LPP: variants seen among roughly 807,000 people sequenced by gnomAD.
LPP encodes the protein lipoma-preferred partner.
Under a neutral mutation model 60.4 loss-of-function variants are expected in LPP, and 38 were observed. That is an observed-to-expected ratio of 0.63 (90% CI 0.49 to 0.83). LPP has a LOEUF of 0.83. LPP is among the 40% of genes least tolerant of loss of function. The probability of loss-of-function intolerance (pLI) is 0.00; values close to 1 mark genes in which losing one functional copy is unlikely to be tolerated. For missense variants in LPP, 902 were observed against 783.6 expected (o/e 1.15, Z -1.80); for synonymous variants, 328 against 290.8 (o/e 1.13, Z -1.30).
At chr3:188,856,989 G>A (rs1763990657) in intron 9 of LPP, among the ~76,000 whole-genome samples, 1 of 152,118 alleles carries the variant, frequency 6.6e-6, no homozygotes, top group Non-Finnish European at 1.5e-5. Context: ...TATTCTTATT[G>A]TTAAGTGGGA....
In LPP at chr3:188,644,145, G is replaced by A. The variant is rs146180230; in HGVS notation, c.1113+34301G>A. On this transcript the variant is annotated intron_variant, in intron 7 of 11. Coordinates refer to ENST00000617246, the MANE Select transcript of LPP (RefSeq NM_001375462.1). ...GTGTTCCAAAGAAATTCCTGGAGGA[G>A]AAGGGATCTGAGCTAGACTTTCATA... Among the ~76,000 whole-genome samples, 347 of 152,308 alleles carry A rather than the reference G, an allele frequency of 2.3e-3. 3 individuals are homozygous for A. The highest frequency in any genetic ancestry group is 8.1e-3 in the African/African-American group (338 of 41,568).
intron 2 of LPP, among the ~76,000 whole-genome samples, chr3:188,332,656 T>C (rs1760433380): frequency 1.3e-5 from 2 of 152,208 alleles, no homozygotes; most frequent in African/African-American, 2.4e-5. Context: ...CTAAAAGTGA[T>C]AAAACAATAT....
rs539002905 is a variant in LPP at position 188,483,663 on chromosome 3, C to T, written c.194-929C>T. ...TTAGATCACAGAGATCAGGTTCACT[C>T]CCTCAATAACTCTGACAGCAGTGTG... is the stretch of plus-strand genomic sequence containing the variant. On this transcript the variant is annotated intron_variant, in intron 4 of 11. Coordinates refer to ENST00000617246, the MANE Select transcript of LPP (RefSeq NM_001375462.1). 2.0e-5 allele frequency among the ~76,000 whole-genome samples: 3 copies of T among 152,236 alleles called. No homozygotes were observed. The South Asian group carries it at 6.2e-4, about 32-fold the overall frequency.
chr3:188,557,615 C>T (rs75458459), intron 6 of LPP, among the ~76,000 whole-genome samples: 25,312 of 152,048 alleles, frequency 0.17, 2,541 homozygotes, highest in Non-Finnish European at 0.23. Flanking sequence ...ATACTTCTCA[C>T]CTAGCCTCTC....
At chr3:188,799,331 T>A (rs1746305135) in intron 9 of LPP, among the ~76,000 whole-genome samples, 1 of 152,164 alleles carries the variant, frequency 6.6e-6, no homozygotes, top group Non-Finnish European at 1.5e-5. Flanking sequence ...ACATTCGCGA[T>A]GGGTACAAAA....
chr3:188,231,916 A>G (rs1010696937), intron 2 of LPP, among the ~76,000 whole-genome samples: 3 of 152,182 alleles, frequency 2.0e-5, no homozygotes, highest in South Asian at 2.1e-4. Context: ...ATAAATCAAT[A>G]TTACACGGCT....
chr3:188,590,461 G>A (rs1838439248), intron 6 of LPP, among the ~76,000 whole-genome samples: 3 of 151,896 alleles, frequency 2.0e-5, no homozygotes, highest in Admixed American at 2.0e-4. Flanking sequence ...GTAATCCCAG[G>A]TACTCAGGAG....
chr3:188,371,627 A>ATATATATG (rs1304927008), intron 3 of LPP, among the ~76,000 whole-genome samples: 1 of 24,310 alleles, frequency 4.1e-5, no homozygotes, highest in Non-Finnish European at 1.1e-4. Context: ...ATATATATAT[A>ATATATATG]TATATATATA....
chr3:188,184,400 T>C (rs937972382), intron 1 of LPP, among the ~76,000 whole-genome samples: 3 of 152,142 alleles, frequency 2.0e-5, no homozygotes, highest in Non-Finnish European at 4.4e-5. Flanking sequence ...AGATAAACTA[T>C]CCAGTGCCAG....
At chr3:188,219,115 G>A (rs1225966906) in intron 1 of LPP, among the ~76,000 whole-genome samples, 1 of 151,958 alleles carries the variant, frequency 6.6e-6, no homozygotes, top group Non-Finnish European at 1.5e-5. Context: ...CCTGCGTGTA[G>A]GAATCACACG....
At chr3:188,508,628 G>A (rs553736339) in intron 5 of LPP, among the ~76,000 whole-genome samples, 7 of 152,308 alleles carry the variant, frequency 4.6e-5, no homozygotes, top group Admixed American at 1.3e-4. Context: ...ATGGAAACTC[G>A]CACTCCTTCG....
At chr3:188,779,939 C>T (rs1249258183) in intron 9 of LPP, among the ~76,000 whole-genome samples, 1 of 151,890 alleles carries the variant, frequency 6.6e-6, no homozygotes, top group African/African-American at 2.4e-5. Flanking sequence ...GAACAGATTT[C>T]TTCTTTCTTA....
chr3:188,397,458 TC>T (rs1216447346), intron 3 of LPP, among the ~76,000 whole-genome samples: 2 of 152,116 alleles, frequency 1.3e-5, no homozygotes, highest in Non-Finnish European at 2.9e-5. Context: ...GGCCACTTAG[TC>T]AGTATTTGTT....
chr3:188,805,169 A>G lies in LPP; in HGVS notation c.1410+44887A>G, dbSNP rs139155172. On this transcript the variant is annotated intron_variant, in intron 9 of 11. Transcript: ENST00000617246. ...AACTGTGGTTTTCTTTTTTGGTAAT[A>G]TATTTGACTAGATTTGTTATCAGTG... Among the ~76,000 whole-genome samples, 60 of 152,052 alleles carry G rather than the reference A, an allele frequency of 3.9e-4. No individual in the cohort carries two copies. In the East Asian group the frequency reaches 0.011, roughly 27 times the overall value.
chr3:188,816,228 G>T, intron 9 of LPP, among the ~76,000 whole-genome samples: 1 of 128,962 alleles, frequency 7.8e-6, no homozygotes, highest in East Asian at 2.5e-4. Context: ...TTGAGATGGA[G>T]TCTCGCTCTG....
intron 9 of LPP, among the ~76,000 whole-genome samples, chr3:188,864,259 C>A (rs1165142011): frequency 6.6e-6 from 1 of 152,246 alleles, no homozygotes; most frequent in Non-Finnish European, 1.5e-5. Context: ...GATGGATTTA[C>A]CAATTCATCT....
At chr3:188,483,608 C>CATATGTGTACA (rs1805435976) in intron 4 of LPP, among the ~76,000 whole-genome samples, 1 of 152,138 alleles carries the variant, frequency 6.6e-6, no homozygotes, top group African/African-American at 2.4e-5. Context: ...ATTCCAGGAA[C>CATATGTGTACA]CATAAAGCTC....
intron 8 of LPP, chr3:188,712,962 CTT>C (rs936043059): frequency 2.0e-5 from 3 of 151,946 alleles, no homozygotes; most frequent in African/African-American, 7.3e-5. Flanking sequence ...CCTCATCACT[CTT>C]AACAGTTTTA....
chr3:188,554,565 C>T (rs1037960531), intron 6 of LPP, among the ~76,000 whole-genome samples: 1 of 152,192 alleles, frequency 6.6e-6, no homozygotes, highest in Non-Finnish European at 1.5e-5. Flanking sequence ...CTGCAACTAT[C>T]ATCACCTGAC....
Sources: gnomAD v4.1 joint callset for allele counts (sites outside exome capture counted in the v4.1 genomes callset) on GRCh38, gnomAD v4.1.1 for gene constraint, MANE v1.5 for transcripts, NCBI Gene and HGNC (gene_info 2026-07-23, HGNC 2026-07-21) for gene names.